UNC79: variants seen among roughly 807,000 people sequenced by gnomAD.
UNC79 encodes unc-79 subunit of NALCN channel complex, also known as protein unc-79 homolog.
UNC79 carries 37 observed loss-of-function variants against 283.1 expected under a neutral mutation model. The observed-to-expected ratio is 0.13, with a 90% confidence interval of 0.10 to 0.17. UNC79 has a LOEUF of 0.17. Among genes scored for constraint, UNC79 ranks in the 10% least tolerant of loss-of-function variants. The pLI is 1.00. For synonymous variants in UNC79, 1,107 were observed against 1,200.2 expected, an observed-to-expected ratio of 0.92 and a Z score of 1.61; for missense variants, 2,272 against 3,211.1, an observed-to-expected ratio of 0.71 and a Z score of 7.07.
chr14:93,432,440 G>A (rs1483128347), intron 1 of UNC79, among the ~76,000 whole-genome samples: 1 of 152,140 alleles, frequency 6.6e-6, no homozygotes, highest in Non-Finnish European at 1.5e-5. Flanking sequence ...TCATGCTGAT[G>A]GGGTTGTTGT....
chr14:93,401,934 C>T (rs1278979207), intron 1 of UNC79, among the ~76,000 whole-genome samples: 1 of 152,100 alleles, frequency 6.6e-6, no homozygotes, highest in Non-Finnish European at 1.5e-5. Flanking sequence ...AAAAGCCTCT[C>T]ACACAGGACG....
At chr14:93,515,049 C>T (rs1460162419) in intron 7 of UNC79, among the ~76,000 whole-genome samples, 1 of 152,024 alleles carries the variant, frequency 6.6e-6, no homozygotes, top group African/African-American at 2.4e-5. Context: ...TTGTATTCCC[C>T]GTCCCCCACC....
At chr14:93,348,889 G>A (rs1245755899) in intron 1 of UNC79, among the ~76,000 whole-genome samples, 4 of 152,230 alleles carry the variant, frequency 2.6e-5, no homozygotes, top group African/African-American at 9.6e-5. Context: ...TCTCAACATA[G>A]TACCTGAAAC....
intron 9 of UNC79, 99 bp from the exon 10 acceptor site, chr14:93,529,187 A>C (rs1249072564): frequency 1.1e-5 from 13 of 1,215,276 alleles, no homozygotes; most frequent in Non-Finnish European, 1.4e-5. Flanking sequence ...CTTCCTTTCT[A>C]TTAAAAGCCT....
chr14:93,348,188 C>T (rs1047640581), intron 1 of UNC79: 2 of 953,312 alleles, frequency 2.1e-6, no homozygotes, highest in African/African-American at 1.6e-5. Flanking sequence ...TTTTTGTTAA[C>T]GAGCAAAATT....
chr14:93,386,008 T>G lies in UNC79; in HGVS notation c.-351+52485T>G, dbSNP rs529098313. ...GCTCTAACTATAACTTTTAGCACTT[T>G]GTTGAATAACAGTGATGACAGTGGG... On this transcript the variant is annotated intron_variant, in intron 1 of 49. Coordinates refer to the UNC79 transcript ENST00000256339. Among the ~76,000 whole-genome samples, 13 of 152,302 alleles carry G rather than the reference T, an allele frequency of 8.5e-5. No individual in the cohort carries two copies. In the South Asian group the frequency reaches 2.3e-3, roughly 27 times the overall value.
chr14:93,572,763 C>T (rs746737024), exon 16 of UNC79: 48 of 1,613,978 alleles, frequency 3.0e-5, no homozygotes, highest in Non-Finnish European at 3.9e-5. Context: ...TATTAGTTGT[C>T]GGTTTACAGG....
chr14:93,647,522 A>G (rs1439212122), intron 35 of UNC79, among the ~76,000 whole-genome samples: 1 of 152,230 alleles, frequency 6.6e-6, no homozygotes, highest in Non-Finnish European at 1.5e-5. Context: ...CATTCCAGGC[A>G]GAGGGAGCAG....
chr14:93,492,950 C>A (rs575946702), intron 5 of UNC79, among the ~76,000 whole-genome samples: 1 of 152,180 alleles, frequency 6.6e-6, no homozygotes, highest in African/African-American at 2.4e-5. Flanking sequence ...TGACATGGGA[C>A]TGACCCCATC....
chr14:93,510,225 C>CT (rs1166950720), intron 7 of UNC79, among the ~76,000 whole-genome samples: 1 of 152,226 alleles, frequency 6.6e-6, no homozygotes, highest in African/African-American at 2.4e-5. Flanking sequence ...CCTCCTAGGC[C>CT]TTGGGGCCTG....
At chr14:93,356,929 G>A (rs1247302591) in intron 1 of UNC79, among the ~76,000 whole-genome samples, 2 of 152,154 alleles carry the variant, frequency 1.3e-5, no homozygotes, top group South Asian at 2.1e-4. Flanking sequence ...ATGTCGTGAG[G>A]TTTGGGTATA....
intron 1 of UNC79, among the ~76,000 whole-genome samples, chr14:93,354,967 C>A (rs572371486): frequency 8.0e-4 from 122 of 151,760 alleles, no homozygotes; most frequent in African/African-American, 2.8e-3. Flanking sequence ...CTAGTATGGT[C>A]ATTTCAGCCA....
chr14:93,653,697 C>T (rs750847410), intron 35 of UNC79, 45 bp from the exon 39 acceptor site: 16 of 1,555,810 alleles, frequency 1.0e-5, no homozygotes, highest in Non-Finnish European at 1.4e-5. Context: ...AACACCTGCT[C>T]ACTGGCCCAT....
At chr14:93,456,656 T>G (rs543845984) in intron 1 of UNC79, among the ~76,000 whole-genome samples, 2 of 152,352 alleles carry the variant, frequency 1.3e-5, no homozygotes, top group African/African-American at 4.8e-5. Context: ...GTGTTTCACT[T>G]TCCTGCACCC....
chr14:93,561,331 A>G (rs1419671539), intron 14 of UNC79, among the ~76,000 whole-genome samples: 1 of 152,092 alleles, frequency 6.6e-6, no homozygotes, highest in Admixed American at 6.5e-5. Context: ...AAAGGTTTTT[A>G]AAGTAAGTGT....
chr14:93,659,319 G>A, intron 39 of UNC79, 58 bp downstream of exon 42: 3 of 1,387,780 alleles, frequency 2.2e-6, no homozygotes, highest in Non-Finnish European at 3.0e-6. Context: ...TTAACCTAAT[G>A]AGATAGGCTT....
chr14:93,648,671 T>G (rs1214174195), intron 35 of UNC79, among the ~76,000 whole-genome samples: 2 of 151,660 alleles, frequency 1.3e-5, no homozygotes, highest in African/African-American at 4.9e-5. Context: ...TTGGTAGTGG[T>G]AGAGGAGGGG....
intron 2 of UNC79, among the ~76,000 whole-genome samples, chr14:93,471,328 C>CA (rs1445053192): frequency 6.6e-6 from 1 of 152,148 alleles, no homozygotes; most frequent in Non-Finnish European, 1.5e-5. Flanking sequence ...ATACATACCT[C>CA]AGGGCAACTT....
intron 4 of UNC79, among the ~76,000 whole-genome samples, chr14:93,479,716 C>G (rs996323183): frequency 6.6e-6 from 1 of 152,138 alleles, no homozygotes; most frequent in Non-Finnish European, 1.5e-5. Flanking sequence ...CTCACTGCAG[C>G]CTCAAACTCC....
Sources: gnomAD v4.1 joint callset for allele counts (sites outside exome capture counted in the v4.1 genomes callset) on GRCh38, gnomAD v4.1.1 for gene constraint, MANE v1.5 for transcripts, NCBI Gene and HGNC (gene_info 2026-07-23, HGNC 2026-07-21) for gene names.